The following RNF13 variants were observed in gnomAD, a reference collection of about 807,000 sequenced individuals.
The protein encoded by RNF13 is E3 ubiquitin-protein ligase RNF13.
Under a neutral mutation model 37.7 loss-of-function variants are expected in RNF13, and 19 were observed. The observed-to-expected ratio is 0.50, with a 90% confidence interval of 0.35 to 0.74. RNF13 has a LOEUF of 0.74. Among genes scored for constraint, RNF13 ranks in the 30% least tolerant of loss-of-function variants. RNF13 has a pLI of 0.01. For synonymous variants in RNF13, 144 were observed against 157.8 expected, an observed-to-expected ratio of 0.91 and a Z score of 0.65; for missense variants, 375 against 453.0, an observed-to-expected ratio of 0.83 and a Z score of 1.56.
intron 1 of RNF13, among the ~76,000 whole-genome samples, chr3:149,836,623 TA>T (rs34293523): frequency 6.0e-4 from 87 of 146,080 alleles, no homozygotes; most frequent in Admixed American, 1.1e-3. Flanking sequence ...GGCAGTTCTT[TA>T]AAAAAAAAAA....
chr3:149,860,397 G>C (rs1307487116), intron 3 of RNF13, among the ~76,000 whole-genome samples: 1 of 149,498 alleles, frequency 6.7e-6, no homozygotes, highest in Admixed American at 6.7e-5. Flanking sequence ...AACCAAAACA[G>C]TATGGTACTG....
At chr3:149,857,412 G>T (rs936096856) in intron 3 of RNF13, among the ~76,000 whole-genome samples, 16 of 152,156 alleles carry the variant, frequency 1.1e-4, no homozygotes, top group African/African-American at 3.9e-4. Flanking sequence ...TGTTACAGAA[G>T]TTTTAAAAGA....
intron 4 of RNF13, among the ~76,000 whole-genome samples, chr3:149,877,472 CT>C (rs369676407): frequency 0.095 from 9,635 of 101,468 alleles, 326 homozygotes; most frequent in African/African-American, 0.14. Flanking sequence ...TTCTTTCTGT[CT>C]TTTTTTTTTT....
chr3:149,828,879 G>A (rs564958961), intron 1 of RNF13, among the ~76,000 whole-genome samples: 18 of 152,058 alleles, frequency 1.2e-4, no homozygotes, highest in Admixed American at 1.0e-3. Context: ...AAGGGGAGGG[G>A]CCTGGGAACA....
At chr3:149,862,904 G>GT (rs1170180288) in intron 3 of RNF13, among the ~76,000 whole-genome samples, 1 of 152,086 alleles carries the variant, frequency 6.6e-6, no homozygotes, top group Non-Finnish European at 1.5e-5. Flanking sequence ...CCCTTCTTCT[G>GT]TAAGTGATAA....
chr3:149,955,944 A>G (rs1281370503), intron 8 of RNF13, among the ~76,000 whole-genome samples: 1 of 152,156 alleles, frequency 6.6e-6, no homozygotes, highest in African/African-American at 2.4e-5. Flanking sequence ...ATTTAATTTT[A>G]TGTCCAAATG....
At chr3:149,860,350 A>G (rs901295036) in intron 3 of RNF13, among the ~76,000 whole-genome samples, 8 of 149,602 alleles carry the variant, frequency 5.3e-5, no homozygotes, top group African/African-American at 2.0e-4. Flanking sequence ...ACATATATAC[A>G]TATTATGCAC....
intron 6 of RNF13, among the ~76,000 whole-genome samples, chr3:149,909,563 G>A (rs1716776760): frequency 6.6e-6 from 1 of 151,590 alleles, no homozygotes; most frequent in Admixed American, 6.6e-5. Flanking sequence ...AAAGTGCTGG[G>A]ATTACAGGCA....
chr3:149,904,001 C>A (rs1716138527), intron 6 of RNF13, among the ~76,000 whole-genome samples: 1 of 151,944 alleles, frequency 6.6e-6, no homozygotes, highest in Admixed American at 6.6e-5. Flanking sequence ...CTACCTATAC[C>A]TATCATCTAT....
chr3:149,885,681 T>G (rs1340857872), intron 4 of RNF13, among the ~76,000 whole-genome samples: 1 of 152,198 alleles, frequency 6.6e-6, no homozygotes, highest in African/African-American at 2.4e-5. Context: ...AATCTGTAGG[T>G]TGTCTCTTTA....
At chr3:149,828,001 C>T (rs1373842666) in intron 1 of RNF13, among the ~76,000 whole-genome samples, 1 of 151,050 alleles carries the variant, frequency 6.6e-6, no homozygotes, top group Non-Finnish European at 1.5e-5. Flanking sequence ...AATGCTGTAA[C>T]TTGATCTGGT....
At chr3:149,942,241 A>G (rs1306712635) in intron 8 of RNF13, among the ~76,000 whole-genome samples, 1 of 152,120 alleles carries the variant, frequency 6.6e-6, no homozygotes, top group Non-Finnish European at 1.5e-5. Flanking sequence ...AAAAAATGTC[A>G]TTGGTATTTT....
At chr3:149,863,112 T>G (rs1008309893) in intron 3 of RNF13, among the ~76,000 whole-genome samples, 1 of 152,232 alleles carries the variant, frequency 6.6e-6, no homozygotes, top group Non-Finnish European at 1.5e-5. Context: ...CTCTTTGAAT[T>G]CTGAATACTG....
chr3:149,854,360 G>A (rs1723439112), intron 3 of RNF13, among the ~76,000 whole-genome samples: 1 of 152,126 alleles, frequency 6.6e-6, no homozygotes, highest in African/African-American at 2.4e-5. Context: ...CCTCTTCAGA[G>A]TTAAATATTA....
At chr3:149,849,720 A>G (rs1722959905) in intron 2 of RNF13, among the ~76,000 whole-genome samples, 1 of 152,206 alleles carries the variant, frequency 6.6e-6, no homozygotes, top group African/African-American at 2.4e-5. Flanking sequence ...TGATAGTAAT[A>G]GTGGCCTACT....
chr3:149,869,288 C>G (rs574101717), intron 3 of RNF13, among the ~76,000 whole-genome samples: 2 of 151,876 alleles, frequency 1.3e-5, no homozygotes, highest in Non-Finnish European at 2.9e-5. Context: ...CTTAAAACTA[C>G]TATTTTGAAT....
chr3:149,903,675 A>G (rs1404893109), intron 6 of RNF13, among the ~76,000 whole-genome samples: 1 of 152,166 alleles, frequency 6.6e-6, no homozygotes, highest in Non-Finnish European at 1.5e-5. Context: ...CTACAGATAT[A>G]TTGTGGCATT....
At chr3:149,949,429 CT>C (rs76888636) in intron 8 of RNF13, among the ~76,000 whole-genome samples, 339 of 136,542 alleles carry the variant, frequency 2.5e-3, no homozygotes, top group Middle Eastern at 3.7e-3. Flanking sequence ...TACTGGGTTG[CT>C]TTTTTTTTTT....
chr3:149,920,398 G>T (rs1717995654), intron 7 of RNF13, among the ~76,000 whole-genome samples: 1 of 151,202 alleles, frequency 6.6e-6, no homozygotes, highest in South Asian at 2.1e-4. Flanking sequence ...AATGCGCCAG[G>T]CTAATTTTTT....
Sources: allele counts gnomAD v4.1 joint callset (sites outside exome capture counted in the v4.1 genomes callset), GRCh38; gene constraint gnomAD v4.1.1; transcripts MANE v1.5; gene names NCBI Gene and HGNC (gene_info 2026-07-23, HGNC 2026-07-21).